The following DIP2B variants were observed in gnomAD, a reference collection of about 807,000 sequenced individuals.
DIP2B encodes the protein DIP2 acetate--CoA ligase B (putative), also known as disco-interacting protein 2 homolog B.
In DIP2B, 76 loss-of-function variants were observed where a neutral mutation model predicts 198.0. That is an observed-to-expected ratio of 0.38 (90% CI 0.32 to 0.46). The LOEUF (loss-of-function observed/expected upper bound fraction) is 0.46, where lower values mean the gene tolerates loss of function less well. Among genes scored for constraint, DIP2B ranks in the 20% least tolerant of loss-of-function variants. The probability of loss-of-function intolerance (pLI) is 0.99; values close to 1 mark genes in which losing one functional copy is unlikely to be tolerated. For synonymous variants in DIP2B, 701 were observed against 739.1 expected, an observed-to-expected ratio of 0.95 and a Z score of 0.84; for missense variants, 1,559 against 1,978.4, an observed-to-expected ratio of 0.79 and a Z score of 4.02.
At chr12:50,641,123 G>A (rs940378026) in intron 3 of DIP2B, among the ~76,000 whole-genome samples, 12 of 152,202 alleles carry the variant, frequency 7.9e-5, no homozygotes, top group Non-Finnish European at 5.9e-5. Flanking sequence ...TTGGGAGGCT[G>A]AGGCGGGCAG....
At chr12:50,529,832 C>T (rs1958199787) in intron 1 of DIP2B, among the ~76,000 whole-genome samples, 1 of 151,572 alleles carries the variant, frequency 6.6e-6, no homozygotes, top group African/African-American at 2.4e-5. Flanking sequence ...GTACTCCAGC[C>T]TGGGTGACAG....
chr12:50,732,227 T>C (rs1463531245), intron 31 of DIP2B, 139 bp from the exon 32 acceptor site: 2 of 883,618 alleles, frequency 2.3e-6, no homozygotes, highest in South Asian at 2.0e-5. Context: ...TTCTGAAAGC[T>C]GCTTTTTTCT....
At chr12:50,643,809 G>C (rs1938302483) in intron 3 of DIP2B, among the ~76,000 whole-genome samples, 3 of 152,122 alleles carry the variant, frequency 2.0e-5, no homozygotes, top group Admixed American at 6.5e-5. Context: ...CCCCTGCAGA[G>C]GTGGAGCAGA....
chr12:50,611,320 G>A (rs1565844299), intron 1 of DIP2B, among the ~76,000 whole-genome samples: 1 of 152,024 alleles, frequency 6.6e-6, no homozygotes, highest in Admixed American at 6.6e-5. Context: ...TTGTACTACC[G>A]AAATGCCCTG....
chr12:50,626,340 G>GA, intron 2 of DIP2B, among the ~76,000 whole-genome samples: 1 of 152,304 alleles, frequency 6.6e-6, no homozygotes, highest in South Asian at 2.1e-4. Context: ...CCAAGCCATG[G>GA]AAAAACCACA....
chr12:50,714,726 GC>G, intron 23 of DIP2B, 130 bp downstream of exon 23: 1 of 1,095,666 alleles, frequency 9.1e-7, no homozygotes, highest in Non-Finnish European at 1.3e-6. Context: ...GGTCGTGTGA[GC>G]CCAGGAGCTC....
intron 2 of DIP2B, among the ~76,000 whole-genome samples, chr12:50,634,791 G>C (rs1166817987): frequency 6.6e-6 from 1 of 152,026 alleles, no homozygotes; most frequent in Non-Finnish European, 1.5e-5. Flanking sequence ...TCTAGCATTA[G>C]TGCCTGATAT....
chr12:50,738,585 G>C (rs950774158), intron 35 of DIP2B, among the ~76,000 whole-genome samples: 1 of 152,258 alleles, frequency 6.6e-6, no homozygotes, highest in East Asian at 1.9e-4. Context: ...CCCAGTTCAA[G>C]TGATTCTCCT....
intron 4 of DIP2B, among the ~76,000 whole-genome samples, chr12:50,665,572 T>C (rs1938737352): frequency 6.6e-6 from 1 of 152,146 alleles, no homozygotes; most frequent in East Asian, 1.9e-4. Flanking sequence ...GCAAGAGTTA[T>C]CATCTCTACA....
chr12:50,572,464 G>T (rs1958623020), intron 1 of DIP2B, among the ~76,000 whole-genome samples: 1 of 152,204 alleles, frequency 6.6e-6, no homozygotes, highest in Non-Finnish European at 1.5e-5. Context: ...ATTGGTGTGT[G>T]CTGAGAATGC....
chr12:50,729,745 T>C (rs934382779), intron 30 of DIP2B, among the ~76,000 whole-genome samples: 21 of 152,014 alleles, frequency 1.4e-4, no homozygotes, highest in South Asian at 1.0e-3. Flanking sequence ...TCTTTTTTTT[T>C]TTTAATCAGT....
At chr12:50,536,277 A>ATACATACG (rs1195909470) in intron 1 of DIP2B, among the ~76,000 whole-genome samples, 1 of 147,348 alleles carries the variant, frequency 6.8e-6, no homozygotes, top group African/African-American at 2.4e-5. Context: ...ACGTGCATAC[A>ATACATACG]TACATACATA....
intron 12 of DIP2B, among the ~76,000 whole-genome samples, chr12:50,688,045 T>C (rs1020727517): frequency 6.6e-6 from 1 of 151,984 alleles, no homozygotes; most frequent in Non-Finnish European, 1.5e-5. Flanking sequence ...ACCCCGTTTC[T>C]ACTAAAAATA....
intron 3 of DIP2B, among the ~76,000 whole-genome samples, chr12:50,647,779 T>G (rs938486026): frequency 6.6e-6 from 1 of 152,184 alleles, no homozygotes; most frequent in Non-Finnish European, 1.5e-5. Context: ...GGTGTGCCAC[T>G]CATGGATCAT....
chr12:50,651,647 G>C (rs113243798), intron 3 of DIP2B, among the ~76,000 whole-genome samples: 2,728 of 141,602 alleles, frequency 0.019, 92 homozygotes, highest in African/African-American at 0.064. Context: ...CTATGTGAGG[G>C]TATATTTCCG....
chr12:50,739,644 C>A, intron 36 of DIP2B, 58 bp downstream of exon 36: 1 of 1,588,066 alleles, frequency 6.3e-7, no homozygotes, highest in Non-Finnish European at 8.6e-7. Flanking sequence ...CACTAGCTGA[C>A]CTCCTTCAGC....
intron 32 of DIP2B, 77 bp from the exon 33 acceptor site, chr12:50,734,058 A>T (rs1440060206): frequency 6.5e-6 from 10 of 1,532,676 alleles, no homozygotes; most frequent in Non-Finnish European, 6.3e-6. Context: ...GTATATGGCT[A>T]AATTATTTCT....
At chr12:50,625,882 T>TACAG in intron 1 of DIP2B, 94 bp from the exon 2 acceptor site, 1 of 1,297,726 alleles carries the variant, frequency 7.7e-7, no homozygotes, top group Admixed American at 1.8e-5. Flanking sequence ...CTATATGGGG[T>TACAG]AGTTCTATAA....
chr12:50,536,121 C>T (rs892938556), intron 1 of DIP2B, among the ~76,000 whole-genome samples: 4 of 151,796 alleles, frequency 2.6e-5, no homozygotes, highest in African/African-American at 9.7e-5. Context: ...GGGTTGGTTC[C>T]AAGTCTTTGC....
Sources: gnomAD v4.1 joint callset for allele counts (sites outside exome capture counted in the v4.1 genomes callset) on GRCh38, gnomAD v4.1.1 for gene constraint, MANE v1.5 for transcripts, NCBI Gene and HGNC (gene_info 2026-07-23, HGNC 2026-07-21) for gene names.